The following ANXA11 variants were observed in gnomAD, a reference collection of about 807,000 sequenced individuals.
ANXA11 encodes the protein annexin A11, also known as 56 kDa autoantigen.
A neutral mutation model predicts 64.7 loss-of-function variants in ANXA11; 57 were observed. The ratio of observed to expected loss-of-function variants is 0.88; its 90% confidence interval spans 0.71 to 1.10. The LOEUF (loss-of-function observed/expected upper bound fraction) is 1.10, where lower values mean the gene tolerates loss of function less well. Ranked by LOEUF, ANXA11 falls within the 50% of genes least tolerant of loss-of-function variation. ANXA11 has a pLI of 0.00. For missense variants in ANXA11, 675 were observed against 670.7 expected (o/e 1.01, Z -0.07); for synonymous variants, 260 against 265.2 (o/e 0.98, Z 0.19).
chr10:80,191,186 T>C (rs191277186), intron 1 of ANXA11, among the ~76,000 whole-genome samples: 28 of 152,002 alleles, frequency 1.8e-4, no homozygotes, highest in African/African-American at 6.8e-4. Context: ...GATCATGCCA[T>C]TGCACTCCAG....
rs1290003190 is a variant in ANXA11 at position 80,153,903 on chromosome 10, A to ATCTAGCCTAGTCTCTCTGGAT, written c.*1929_*1949dup. Reference sequence around the variant, plus strand: ...CTCCTGCCAGGACCCAGCAGGCTTGATCTAGCCTAGTCTCTCTGGATTCTC... The same window carrying ATCTAGCCTAGTCTCTCTGGAT: ...CTCCTGCCAGGACCCAGCAGGCTTGATCTAGCCTAGTCTCTCTGGATTCTAGCCTAGTCTCTCTGGATTCTC... On this transcript the variant is annotated 3_prime_UTR_variant, in exon 16 of 16. Coordinates refer to ENST00000422982, the MANE Select transcript of ANXA11 (RefSeq NM_145868.2). 1.3e-5 allele frequency: 2 copies of ATCTAGCCTAGTCTCTCTGGAT among 152,172 alleles called. No homozygotes were observed. The highest frequency in any genetic ancestry group is 4.8e-5 in the African/African-American group (2 of 41,428). 9.4% of individuals were successfully genotyped at this position (152,172 alleles called of 1,614,324 possible). A position where few individuals can be genotyped will look rare whatever the true frequency, so the allele number is the denominator to read the frequency against.
chr10:80,177,578 C>T (rs1846216053), intron 1 of ANXA11, among the ~76,000 whole-genome samples: 1 of 152,092 alleles, frequency 6.6e-6, no homozygotes, highest in Non-Finnish European at 1.5e-5. Flanking sequence ...CATTTGTGTT[C>T]TGCCAAGTAA....
At chr10:80,165,425 T>C (rs1194072385) in intron 8 of ANXA11, among the ~76,000 whole-genome samples, 2 of 152,124 alleles carry the variant, frequency 1.3e-5, no homozygotes, top group East Asian at 1.9e-4. Context: ...CCCGCAGGAC[T>C]GGAGGGAACA....
At chr10:80,177,955 G>A (rs935465405) in intron 1 of ANXA11, among the ~76,000 whole-genome samples, 4 of 152,084 alleles carry the variant, frequency 2.6e-5, no homozygotes, top group African/African-American at 9.7e-5. Flanking sequence ...CACAGAAGCA[G>A]CATTCTTCTC....
At chr10:80,177,519 C>T (rs569788988) in intron 1 of ANXA11, among the ~76,000 whole-genome samples, 18 of 152,296 alleles carry the variant, frequency 1.2e-4, no homozygotes, top group Non-Finnish European at 2.2e-4. Context: ...CAAACATCTT[C>T]CCCCTCTCTC....
chr10:80,192,383 G>T (rs1846815117), intron 1 of ANXA11, among the ~76,000 whole-genome samples: 1 of 152,092 alleles, frequency 6.6e-6, no homozygotes, highest in African/African-American at 2.4e-5. Context: ...AAGAAAGGGA[G>T]AGACCAAAAC....
rs188084118 is a variant in ANXA11, at chr10:80,204,099, G to A, written c.-58+1244C>T. Among the ~76,000 whole-genome samples the A allele has an allele frequency of 3.3e-5, 5 of 152,308 alleles. No homozygotes were observed. In the East Asian group the frequency reaches 9.6e-4, roughly 29 times the overall value. On this transcript the variant is annotated intron_variant, in intron 1 of 15. Coordinates refer to ENST00000422982, the MANE Select transcript of ANXA11 (RefSeq NM_145868.2). ...TGCACTGAATCTCACAAGCCTGTGA[G>A]GCAGGGATTACTATTACCCCCATTT...
intron 4 of ANXA11, among the ~76,000 whole-genome samples, chr10:80,169,749 T>C (rs1036922782): frequency 3.9e-5 from 6 of 152,186 alleles, no homozygotes; most frequent in Non-Finnish European, 5.9e-5. Flanking sequence ...CTGGCAGGCA[T>C]GTTCAGGTGA....
intron 1 of ANXA11, among the ~76,000 whole-genome samples, chr10:80,187,825 A>G (rs951188492): frequency 6.6e-6 from 1 of 152,020 alleles, no homozygotes; most frequent in East Asian, 1.9e-4. Context: ...TTCCCTGTCA[A>G]TCCCACCCCT....
chr10:80,190,413 T>G (rs904029955), intron 1 of ANXA11, among the ~76,000 whole-genome samples: 1 of 152,216 alleles, frequency 6.6e-6, no homozygotes, highest in African/African-American at 2.4e-5. Flanking sequence ...TATTTCACAT[T>G]GTATTCATAG....
At position 80,169,235 on chromosome 10, in the gene ANXA11, G is replaced by C; in HGVS notation, c.295C>G (p.Pro99Ala). 1 of 1,612,108 alleles carries C rather than the reference G, an allele frequency of 6.2e-7. No homozygotes were observed. Among genetic ancestry groups the C allele is most frequent in the Non-Finnish European group, 8.5e-7 (1 of 1,179,560 alleles). The change falls in exon 5 of 16, where the codon CCT becomes GCT. Residue 99 changes from proline to alanine, a missense_variant. Coordinates refer to ENST00000422982, the MANE Select transcript of ANXA11 (RefSeq NM_145868.2). ...GGATACATCCCATAGGGAGGAACAGGCTGCTGGGCAGAGGGGGGCTGCCCA... is the reference window on the plus strand; with the variant it reads ...GGATACATCCCATAGGGAGGAACAGCCTGCTGGGCAGAGGGGGGCTGCCCA... ...GFGQPPSAQQ[P>A]VPPYGMYPPP...
At chr10:80,179,055 T>C (rs998595449) in intron 1 of ANXA11, among the ~76,000 whole-genome samples, 2 of 152,248 alleles carry the variant, frequency 1.3e-5, no homozygotes, top group Admixed American at 1.3e-4. Context: ...CTAATTACAA[T>C]ACAATCGAAT....
chr10:80,180,028 T>A (rs1205591514), intron 1 of ANXA11, among the ~76,000 whole-genome samples: 1 of 152,326 alleles, frequency 6.6e-6, no homozygotes, highest in African/African-American at 2.4e-5. Context: ...AGAGCAGCTA[T>A]CTGGGGGTGC....
At chr10:80,205,685 G>C (rs28365997), upstream of ANXA11, 1 of 152,170 alleles carries the variant, frequency 6.6e-6, no homozygotes, top group Non-Finnish European at 1.5e-5. Context: ...GAAGTCTCGG[G>C]CTCCGGAGGT....
rs1454155928 is a variant in ANXA11, at chr10:80,154,799, A to G, written c.*1054T>C. On this transcript the variant is annotated 3_prime_UTR_variant, in exon 16 of 16. Transcript: ENST00000422982. ...CCATCCTTCTCTCTGGCCCCCGCCG[A>G]GGGGCACCAGGAATTAGCACACACC... The G allele has an allele frequency of 6.6e-6, 1 of 152,168 alleles. No individual in the cohort carries two copies. The highest frequency in any genetic ancestry group is 1.5e-5 in the Non-Finnish European group (1 of 68,136). The allele number at this position is 152,168 out of a possible 1,614,324, so 9.4% of individuals were successfully genotyped here. A position where few individuals can be genotyped will look rare whatever the true frequency, so the allele number is the denominator to read the frequency against.
At chr10:80,204,007 G>A (rs1840563005) in intron 1 of ANXA11, among the ~76,000 whole-genome samples, 2 of 152,202 alleles carry the variant, frequency 1.3e-5, no homozygotes, top group Non-Finnish European at 2.9e-5. Context: ...CACAAGTGTG[G>A]TGCAGCAGTC....
At chr10:80,188,173 G>A (rs574677020) in intron 1 of ANXA11, among the ~76,000 whole-genome samples, 9 of 151,336 alleles carry the variant, frequency 5.9e-5, no homozygotes, top group Non-Finnish European at 1.2e-4. Flanking sequence ...ATCTTTTCAC[G>A]GCCCACACTC....
Position 80,152,584 on chromosome 10 carries a change from G to T in ANXA11, c.*3269C>A. Reference sequence around the variant, plus strand: ...GAGGGGACTGGGTGGATGGGCGATAGCTGAAAGAAAACCTGGCGGGCCATA... The same window carrying T: ...GAGGGGACTGGGTGGATGGGCGATATCTGAAAGAAAACCTGGCGGGCCATA... On this transcript the variant is annotated 3_prime_UTR_variant, in exon 16 of 16. Coordinates refer to ENST00000422982, the MANE Select transcript of ANXA11 (RefSeq NM_145868.2). 6.6e-6 allele frequency: 1 copy of T among 152,514 alleles called. No individual in the cohort carries two copies. 9.4% of individuals were successfully genotyped at this position (152,514 alleles called of 1,614,324 possible).
At chr10:80,205,757 G>A (rs1840654803), upstream of ANXA11, among the ~76,000 whole-genome samples, 1 of 152,210 alleles carries the variant, frequency 6.6e-6, no homozygotes, top group South Asian at 2.1e-4. Flanking sequence ...TCGCCCTCCT[G>A]CAGGGGTGGG....
Sources: gnomAD v4.1 joint callset for allele counts (sites outside exome capture counted in the v4.1 genomes callset) on GRCh38, gnomAD v4.1.1 for gene constraint, MANE v1.5 for transcripts, NCBI Gene and HGNC (gene_info 2026-07-23, HGNC 2026-07-21) for gene names.